REXO5: variants seen among roughly 807,000 people sequenced by gnomAD.
REXO5 encodes exonuclease NEF-sp.
Under a neutral mutation model 88.5 loss-of-function variants are expected in REXO5, and 48 were observed. That is an observed-to-expected ratio of 0.54 (90% CI 0.43 to 0.69). REXO5 has a LOEUF of 0.69. Ranked by LOEUF, REXO5 falls within the 30% of genes least tolerant of loss-of-function variation. The pLI is 0.00. For synonymous variants in REXO5, 311 were observed against 336.5 expected, an observed-to-expected ratio of 0.92 and a Z score of 0.83; for missense variants, 749 against 912.2, an observed-to-expected ratio of 0.82 and a Z score of 2.30.
Position 20,843,944 on chromosome 16 carries a change from G to A in REXO5, c.1637G>A (p.Cys546Tyr), listed in dbSNP as rs1238053415. 1 of 1,604,134 alleles carries A rather than the reference G, an allele frequency of 6.2e-7. No homozygotes were observed. The highest frequency in any genetic ancestry group is 8.5e-7 in the Non-Finnish European group (1 of 1,171,106). Residue 546 changes from cysteine to tyrosine, a missense_variant, in exon 16 of 20, where the codon TGT becomes TAT. Cys to Tyr is a radical substitution (Grantham distance 194). Transcript: ENST00000261377. ...TTGGTCTTTCTGCAGCCTCATCTCT[G>A]TATACAGTATGAAGTCCTAGAAGCT... is the stretch of plus-strand genomic sequence containing the variant. ...FVLETRQPHL[C>Y]IQYEVLEAAQ...
intron 15 of REXO5, among the ~76,000 whole-genome samples, chr16:20,842,196 T>C: frequency 6.6e-6 from 1 of 152,290 alleles, no homozygotes; most frequent in East Asian, 1.9e-4. Context: ...TAATTTCCTA[T>C]TACCCCTCCC....
At chr16:20,808,355 G>T (rs2080942110) in intron 2 of REXO5, among the ~76,000 whole-genome samples, 1 of 152,070 alleles carries the variant, frequency 6.6e-6, no homozygotes, top group South Asian at 2.1e-4. Flanking sequence ...TTTGAGACAG[G>T]GTCTCTGCTC....
chr16:20,823,794 A>G (rs57757260), intron 6 of REXO5, among the ~76,000 whole-genome samples: 10,608 of 152,212 alleles, frequency 0.07, 509 homozygotes, highest in East Asian at 0.21. Flanking sequence ...CTAAATATGC[A>G]TGGTTATGGA....
intron 13 of REXO5, among the ~76,000 whole-genome samples, chr16:20,838,357 GATCTT>G (rs1425033334): frequency 3.9e-5 from 6 of 152,250 alleles, no homozygotes; most frequent in African/African-American, 1.4e-4. Context: ...TTGTGAAAGA[GATCTT>G]ATAACTTTTT....
intron 19 of REXO5, among the ~76,000 whole-genome samples, chr16:20,847,343 C>T (rs1004042161): frequency 2.0e-5 from 3 of 148,962 alleles, no homozygotes; most frequent in Non-Finnish European, 4.4e-5. Context: ...GGCTGAGGCA[C>T]GAGAATCACT....
At chr16:20,833,611 T>C (rs2081380797) in intron 13 of REXO5, among the ~76,000 whole-genome samples, 1 of 152,172 alleles carries the variant, frequency 6.6e-6, no homozygotes. Flanking sequence ...ACCTGTATAC[T>C]TTCTGTCTAG....
intron 19 of REXO5, among the ~76,000 whole-genome samples, chr16:20,847,046 G>A (rs572716878): frequency 2.7e-4 from 41 of 152,256 alleles, no homozygotes; most frequent in African/African-American, 9.4e-4. Context: ...GGGGAAGGGA[G>A]GGAAAGATGG....
At chr16:20,829,578 G>T (rs1360510817) in intron 11 of REXO5, among the ~76,000 whole-genome samples, 2 of 152,072 alleles carry the variant, frequency 1.3e-5, no homozygotes, top group African/African-American at 2.4e-5. Context: ...TGTGTCAGGT[G>T]GTAGAAAGAC....
chr16:20,815,101 C>A, intron 4 of REXO5, 48 bp downstream of exon 4: 1 of 1,580,502 alleles, frequency 6.3e-7, no homozygotes, highest in South Asian at 1.2e-5. Flanking sequence ...TTTTCCCATT[C>A]TGAGACTAAT....
intron 19 of REXO5, among the ~76,000 whole-genome samples, chr16:20,849,091 G>A (rs577164290): frequency 2.0e-5 from 3 of 152,378 alleles, no homozygotes; most frequent in Admixed American, 2.0e-4. Flanking sequence ...TAAGTGCTCA[G>A]TGTATGTTTG....
At chr16:20,831,943 A>T (rs1213501040) in intron 11 of REXO5, among the ~76,000 whole-genome samples, 1 of 152,222 alleles carries the variant, frequency 6.6e-6, no homozygotes, top group Admixed American at 6.5e-5. Context: ...CTGATAACAG[A>T]TTGCCGGTCT....
rs748564976 is a variant in REXO5 at position 20,844,065 on chromosome 16, G to A, written c.1719+39G>A. Reference sequence around the variant, plus strand: ...AGAAAGCCCCCTTTGCTTGGGTCTGGCCTACCACAGCCTGTATTTATAGTG... The same window carrying A: ...AGAAAGCCCCCTTTGCTTGGGTCTGACCTACCACAGCCTGTATTTATAGTG... On this transcript the variant is annotated intron_variant, in intron 16 of 19. Transcript: ENST00000261377. The A allele has an allele frequency of 3.4e-6, 4 of 1,180,552 alleles. No individual in the cohort carries two copies. The Admixed American group carries it at 6.8e-5, about 20-fold the overall frequency. The allele number at this position is 1,180,552 out of a possible 1,614,324, so 73.1% of individuals were successfully genotyped here.
intron 17 of REXO5, 26 bp from the exon 18 acceptor site, chr16:20,845,028 C>G (rs2081585550): frequency 6.2e-7 from 1 of 1,606,898 alleles, no homozygotes; most frequent in Non-Finnish European, 8.5e-7. Context: ...CCCTTAATAA[C>G]ATAAGGTGGG....
At chr16:20,840,087 C>T (rs1340856141) in intron 14 of REXO5, 2 of 525,116 alleles carry the variant, frequency 3.8e-6, no homozygotes, top group South Asian at 3.5e-5. Flanking sequence ...CTTTCTGTAT[C>T]ACTACATATC....
At chr16:20,846,393 T>C in intron 19 of REXO5, 54 bp downstream of exon 19, 1 of 1,362,346 alleles carries the variant, frequency 7.3e-7, no homozygotes, top group Non-Finnish European at 1.0e-6. Context: ...ATTTCAGCTG[T>C]TCTTAGAGAA....
Position 20,814,927 on chromosome 16 carries a change from C to G in REXO5, c.252C>G (p.Ser84Arg). 6.2e-7 allele frequency: 1 copy of G among 1,611,298 alleles called. No individual in the cohort carries two copies. Among genetic ancestry groups the G allele is most frequent in the Non-Finnish European group, 8.5e-7 (1 of 1,178,908 alleles). The change falls in exon 4 of 20, where the codon AGC becomes AGG. Residue 84 changes from serine (S) to arginine (R), a missense_variant and splice_region_variant. By Grantham distance (110) the Ser-to-Arg change is moderately radical (BLOSUM62 -1). Coordinates refer to ENST00000261377, the MANE Select transcript of REXO5 (RefSeq NM_030941.3). ...CTGTGTTGGTTTGATTTCTTGGCAG[C>G]TGGTGCCAGCTTTTTCATCAAAACC... ...VLGKSNVPKP[S>R]WCQLFHQNHL... is the part of the protein sequence containing the mutation.
intron 15 of REXO5, among the ~76,000 whole-genome samples, chr16:20,842,828 C>A (rs2152512220): frequency 1.3e-5 from 2 of 152,228 alleles, no homozygotes; most frequent in Middle Eastern, 6.8e-3. Context: ...CTGTTCAAGT[C>A]CCTGCTTTCA....
rs1420552326 is a variant in REXO5 at position 20,816,187 on chromosome 16, TGGAG to T, written c.451_454del (p.Gly151IlefsTer36). 1.2e-6 allele frequency: 2 copies of T among 1,613,922 alleles called. No homozygotes were observed. Among genetic ancestry groups the T allele is most frequent in the Non-Finnish European group, 8.5e-7 (1 of 1,179,932 alleles). ...TTGGGCTACAAACTGAACAAAGAGC[TGGAG>T]ATCTGCCCAAGACAATGGAAGGTAT... On this transcript the variant is annotated frameshift_variant, in exon 5 of 20. Coordinates refer to ENST00000261377, the MANE Select transcript of REXO5 (RefSeq NM_030941.3). LOFTEE classifies it high-confidence loss of function.
At chr16:20,824,150 C>G (rs1008142687) in intron 6 of REXO5, among the ~76,000 whole-genome samples, 2 of 152,172 alleles carry the variant, frequency 1.3e-5, no homozygotes, top group African/African-American at 4.8e-5. Context: ...TTAGTTATCT[C>G]TTTTCTCATG....
Sources: allele counts gnomAD v4.1 joint callset (sites outside exome capture counted in the v4.1 genomes callset), GRCh38; gene constraint gnomAD v4.1.1; transcripts MANE v1.5; gene names NCBI Gene and HGNC (gene_info 2026-07-23, HGNC 2026-07-21).